Variants in TRAPPC6A observed in about 807,000 individuals in gnomAD.
TRAPPC6A encodes trafficking protein particle complex subunit 6A.
A neutral mutation model predicts 20.8 loss-of-function variants in TRAPPC6A; 25 were observed. The ratio of observed to expected loss-of-function variants is 1.20; its 90% CI spans 0.88 to 1.68. The LOEUF is 1.68. TRAPPC6A is among the 40% of genes most tolerant of loss of function. The pLI, the probability that TRAPPC6A is intolerant of heterozygous loss-of-function variation, is 0.00. For missense variants in TRAPPC6A, 215 were observed against 211.6 expected, an observed-to-expected ratio of 1.02 and a Z score of -0.10; for synonymous variants, 96 against 93.3, an observed-to-expected ratio of 1.03 and a Z score of -0.16.
In TRAPPC6A at chr19:45,170,141, G is replaced by A. The variant is rs74610118; in HGVS notation, c.85-4947C>T. 8.9e-4 allele frequency among the ~76,000 whole-genome samples: 136 copies of A among 152,298 alleles called. 1 individual carries two copies. Among genetic ancestry groups the A allele is most frequent in the African/African-American group, 3.1e-3 (128 of 41,560 alleles). On this transcript the variant is annotated intron_variant, in intron 1 of 5. Transcript: ENST00000585934. ...AGGGGTGAGAGGCGGGGAAGGGAAG[G>A]GGCCCTCAGAGTGGGCTGCAGAGGG...
intron 1 of TRAPPC6A, 77 bp downstream of exon 1, chr19:45,178,058 G>C: frequency 6.2e-7 from 1 of 1,602,216 alleles, no homozygotes; most frequent in Non-Finnish European, 8.5e-7. Flanking sequence ...GAACCCGGAC[G>C]CCTGACGCGC....
chr19:45,177,982 G>T, intron 1 of TRAPPC6A, 153 bp downstream of exon 1: 1 of 1,402,060 alleles, frequency 7.1e-7, no homozygotes, highest in South Asian at 1.4e-5. Flanking sequence ...CGTCGCGAAC[G>T]CCACTTTCCA....
rs1446976889 is a variant in TRAPPC6A, at chr19:45,173,679, G to C, written c.84+4456C>G. On this transcript the variant is annotated intron_variant, in intron 1 of 5. Transcript: ENST00000585934. The surrounding 1 kb of genome is among the most constrained non-coding windows in gnomAD (Gnocchi z 4.8). Reference sequence around the variant, plus strand: ...CTGTCTGGTTCAGAGGAACCCTTTTGGGCCAAAGAGAAGGAATGGAGAGAG... The same window carrying C: ...CTGTCTGGTTCAGAGGAACCCTTTTCGGCCAAAGAGAAGGAATGGAGAGAG... 6.6e-6 allele frequency among the ~76,000 whole-genome samples: 1 copy of C among 152,126 alleles called. No homozygotes were observed. Among genetic ancestry groups the C allele is most frequent in the South Asian group, 2.1e-4 (1 of 4,830 alleles).
At chr19:45,168,599 A>G (rs12463298) in intron 1 of TRAPPC6A, among the ~76,000 whole-genome samples, 2,853 of 152,262 alleles carry the variant, frequency 0.019, 99 homozygotes, top group African/African-American at 0.063. Context: ...CACCCAGACA[A>G]TGGTCCCGGG....
At position 45,173,450 on chromosome 19, in the gene TRAPPC6A, G is replaced by A. The variant is rs140897289; in HGVS notation, c.84+4685C>T. On this transcript the variant is annotated intron_variant, in intron 1 of 5. Transcript: ENST00000585934. This position sits in a 1 kb window ranked among gnomAD's most constrained non-coding sequence, Gnocchi z 4.8. ...CCTCAAGGAGCTCTGAAGCTGGTGG[G>A]AAAGGCGGCCTGCGCTACCCAGAAG... Among the ~76,000 whole-genome samples the A allele has an allele frequency of 1.3e-3, 197 of 152,306 alleles. No homozygotes were observed. The highest frequency in any genetic ancestry group is 2.1e-3 in the Non-Finnish European group (144 of 68,022).
chr19:45,165,016 G>A (rs968416848), intron 2 of TRAPPC6A, 46 bp from the exon 3 acceptor site: 4 of 1,610,298 alleles, frequency 2.5e-6, no homozygotes, highest in African/African-American at 1.3e-5. Context: ...AGGCCAGGAA[G>A]AGGGAGGAAG....
rs751201934 is a variant in TRAPPC6A at position 45,163,201 on chromosome 19, CG to C, written c.470del (p.Pro157ArgfsTer?). ...CAGGTGCGAGGCAGGCTTAGGATTT[CG>C]GAATCACCACCTGGAACTTACCTGG... ...LPVCKFQVVI[P>X]KS On this transcript the variant is annotated frameshift_variant, in exon 6 of 6. Coordinates refer to ENST00000585934, the MANE Select transcript of TRAPPC6A (RefSeq NM_001270891.2). LOFTEE classifies it high-confidence loss of function. This position sits in a 1 kb window ranked among gnomAD's most constrained non-coding sequence, Gnocchi z 5.3. The C allele has an allele frequency of 3.7e-6, 6 of 1,613,880 alleles. No homozygotes were observed. Among genetic ancestry groups the C allele is most frequent in the East Asian group, 2.2e-5 (1 of 44,862 alleles).
Position 45,164,252 on chromosome 19 carries a change from G to T in TRAPPC6A, c.271-5C>A. ...GTCTTGCAGGACGTAGGTCCCCTGG[G>T]GGAGAGGAGAGGCTGGTGGGTGGGG... On this transcript the variant is annotated splice_polypyrimidine_tract_variant and splice_region_variant and intron_variant, in intron 3 of 5. Coordinates refer to ENST00000585934, the MANE Select transcript of TRAPPC6A (RefSeq NM_001270891.2). The T allele has an allele frequency of 6.3e-7, 1 of 1,595,758 alleles. No homozygotes were observed.
chr19:45,167,010 T>C (rs1568463618), intron 1 of TRAPPC6A, among the ~76,000 whole-genome samples: 2 of 152,200 alleles, frequency 1.3e-5, no homozygotes, highest in Non-Finnish European at 2.9e-5. Flanking sequence ...CTCAGACTTC[T>C]GAGCCTTTGT....
rs563348340 is a variant in TRAPPC6A at position 45,173,733 on chromosome 19, G to A, written c.84+4402C>T. On this transcript the variant is annotated intron_variant, in intron 1 of 5. Coordinates refer to ENST00000585934, the MANE Select transcript of TRAPPC6A (RefSeq NM_001270891.2). The surrounding 1 kb of genome is among the most constrained non-coding windows in gnomAD (Gnocchi z 4.8). ...GTGGGGCCAATAAAGAGAAAGGACT[G>A]AGGAAGCCGTTTCTCATGACAGGCC... is the stretch of plus-strand genomic sequence containing the variant. Among the ~76,000 whole-genome samples, 52 of 152,312 alleles carry A rather than the reference G, an allele frequency of 3.4e-4. No individual in the cohort carries two copies. The highest frequency in any genetic ancestry group is 9.8e-4 in the Admixed American group (15 of 15,290).
chr19:45,169,735 G>A (rs1009973044), intron 1 of TRAPPC6A, among the ~76,000 whole-genome samples: 4 of 152,174 alleles, frequency 2.6e-5, no homozygotes, highest in Non-Finnish European at 4.4e-5. Context: ...TGGTAGCTGC[G>A]GCTCCCGTGT....
At chr19:45,170,296 G>A (rs1424764229) in intron 1 of TRAPPC6A, among the ~76,000 whole-genome samples, 1 of 152,248 alleles carries the variant, frequency 6.6e-6, no homozygotes, top group Non-Finnish European at 1.5e-5. Context: ...CCCGGGGAAT[G>A]GGCAAAGGTG....
At position 45,177,333 on chromosome 19, in the gene TRAPPC6A, C is replaced by A. The variant is rs569418767; in HGVS notation, c.84+802G>T. On this transcript the variant is annotated intron_variant, in intron 1 of 5. Coordinates refer to ENST00000585934, the MANE Select transcript of TRAPPC6A (RefSeq NM_001270891.2). ...GACCAGCCTAGGCAACATGGCAAAA[C>A]CCCATTATCTCTTTTTTTTTTTTCC... 2.6e-5 allele frequency among the ~76,000 whole-genome samples: 4 copies of A among 152,216 alleles called. No individual in the cohort carries two copies. The East Asian group carries it at 7.7e-4, about 29-fold the overall frequency.
At chr19:45,168,249 C>G (rs1440654192) in intron 1 of TRAPPC6A, among the ~76,000 whole-genome samples, 3 of 152,024 alleles carry the variant, frequency 2.0e-5, no homozygotes, top group Non-Finnish European at 4.4e-5. Flanking sequence ...GTGATTCACC[C>G]ACCTCGGCCT....
Position 45,172,290 on chromosome 19 carries a change from G to A in TRAPPC6A, c.84+5845C>T, listed in dbSNP as rs1053146168. On this transcript the variant is annotated intron_variant, in intron 1 of 5. Coordinates refer to ENST00000585934, the MANE Select transcript of TRAPPC6A (RefSeq NM_001270891.2). This position sits in a 1 kb window ranked among gnomAD's most constrained non-coding sequence, Gnocchi z 4.2. ...GGCCTGTGCTACCCAGAAGCCCTGG[G>A]GCCAGAAGCCTGAGTTCTAATTTTG... Among the ~76,000 whole-genome samples the A allele has an allele frequency of 6.6e-6, 1 of 151,740 alleles. No homozygotes were observed.
rs1247776473 is a variant in TRAPPC6A, at chr19:45,172,874, G to A, written c.84+5261C>T. On this transcript the variant is annotated intron_variant, in intron 1 of 5. Transcript: ENST00000585934. The surrounding 1 kb of genome is among the most constrained non-coding windows in gnomAD (Gnocchi z 4.2). ...CGCACCTCAGTTTAAACCCGGCTAT[G>A]GCTCCCACTGCCTTCGGGATGGAGC... Among the ~76,000 whole-genome samples, 2 of 151,722 alleles carry A rather than the reference G, an allele frequency of 1.3e-5. No homozygotes were observed. The highest frequency in any genetic ancestry group is 2.9e-5 in the Non-Finnish European group (2 of 68,028).
chr19:45,163,285 C>G lies in TRAPPC6A; in HGVS notation c.449-62G>C, dbSNP rs558888207. On this transcript the variant is annotated intron_variant, in intron 5 of 5. Transcript: ENST00000585934. This position sits in a 1 kb window ranked among gnomAD's most constrained non-coding sequence, Gnocchi z 5.3. ...ATGGGGGAGGCAGAGGGCACCTGGA[C>G]GGCTCTTAGGCGCTCACCCCCGTCC... is the stretch of plus-strand genomic sequence containing the variant. 1.3e-6 allele frequency: 2 copies of G among 1,590,384 alleles called. No individual in the cohort carries two copies. The highest frequency in any genetic ancestry group is 1.7e-6 in the Non-Finnish European group (2 of 1,161,148).
chr19:45,162,992 T>C lies in TRAPPC6A; in HGVS notation c.*200A>G, dbSNP rs557784857. Reference sequence around the variant, plus strand: ...GGCAGTGACGCTGCCGAGGCGGGAATCCCACCACAGTCCTGACCGCAGCTG... The same window carrying C: ...GGCAGTGACGCTGCCGAGGCGGGAACCCCACCACAGTCCTGACCGCAGCTG... On this transcript the variant is annotated 3_prime_UTR_variant, in exon 6 of 6. Transcript: ENST00000585934. The C allele has an allele frequency of 1.6e-4, 73 of 465,698 alleles. No individual in the cohort carries two copies. The highest frequency in any genetic ancestry group is 1.3e-3 in the African/African-American group (63 of 49,876). The allele number at this position is 465,698 out of a possible 1,614,324, so 28.8% of individuals were successfully genotyped here. A position where few individuals can be genotyped will look rare whatever the true frequency, so the allele number is the denominator to read the frequency against.
rs1568465997 is a variant in TRAPPC6A, at chr19:45,172,756, C to T, written c.84+5379G>A. ...AGCCCACCACAGCCTCTGCCTTAAG[C>T]TCCTGCAACAGCGGGGCCCTTCCCA... On this transcript the variant is annotated intron_variant, in intron 1 of 5. Coordinates refer to ENST00000585934, the MANE Select transcript of TRAPPC6A (RefSeq NM_001270891.2). The surrounding 1 kb of genome is among the most constrained non-coding windows in gnomAD (Gnocchi z 4.2). Among the ~76,000 whole-genome samples the T allele has an allele frequency of 6.6e-6, 1 of 151,748 alleles. No individual in the cohort carries two copies. Among genetic ancestry groups the T allele is most frequent in the East Asian group, 1.9e-4 (1 of 5,192 alleles).
Sources: allele counts gnomAD v4.1 joint callset (sites outside exome capture counted in the v4.1 genomes callset), GRCh38; gene constraint gnomAD v4.1.1; non-coding constraint Gnocchi (gnomAD v3.1); transcripts MANE v1.5; gene names NCBI Gene and HGNC (gene_info 2026-07-23, HGNC 2026-07-21).